PPM1E: variants seen among roughly 807,000 people sequenced by gnomAD.
PPM1E encodes the protein protein phosphatase 1E.
A neutral mutation model predicts 65.9 loss-of-function variants in PPM1E; 20 were observed. The ratio of observed to expected loss-of-function variants is 0.30; its 90% confidence interval spans 0.21 to 0.44. The LOEUF (loss-of-function observed/expected upper bound fraction) is 0.44. PPM1E is among the 20% of genes least tolerant of loss of function. PPM1E has a pLI of 1.00. For missense variants in PPM1E, 713 were observed against 953.1 expected, an observed-to-expected ratio of 0.75 and a Z score of 3.32; for synonymous variants, 352 against 374.9, an observed-to-expected ratio of 0.94 and a Z score of 0.70.
At chr17:58,770,297 A>T (rs937649876) in intron 1 of PPM1E, among the ~76,000 whole-genome samples, 1 of 152,148 alleles carries the variant, frequency 6.6e-6, no homozygotes, top group Non-Finnish European at 1.5e-5. Flanking sequence ...AGGTAAAACT[A>T]TCCTTGACTA....
At chr17:58,919,665 T>C (rs2051727564) in intron 1 of PPM1E, among the ~76,000 whole-genome samples, 1 of 151,892 alleles carries the variant, frequency 6.6e-6, no homozygotes, top group Non-Finnish European at 1.5e-5. Context: ...TGCATGCCTG[T>C]AATTCCAGCT....
chr17:58,960,812 T>C (rs979571564), intron 2 of PPM1E, among the ~76,000 whole-genome samples: 2 of 149,448 alleles, frequency 1.3e-5, no homozygotes, highest in African/African-American at 4.9e-5. Context: ...CAAAGTCTGA[T>C]TAAAAATGGC....
intron 1 of PPM1E, among the ~76,000 whole-genome samples, chr17:58,910,622 A>G (rs1177893273): frequency 6.6e-6 from 1 of 152,206 alleles, no homozygotes; most frequent in Non-Finnish European, 1.5e-5. Flanking sequence ...TAATGTGGTG[A>G]TAAGGTATGT....
chr17:58,782,626 G>A (rs538688815), intron 1 of PPM1E, among the ~76,000 whole-genome samples: 1 of 150,592 alleles, frequency 6.6e-6, no homozygotes, highest in East Asian at 2.0e-4. Context: ...TGATCAGGCT[G>A]GTCTTGAACA....
chr17:58,965,274 T>G (rs2030187412), intron 2 of PPM1E, among the ~76,000 whole-genome samples: 1 of 152,060 alleles, frequency 6.6e-6, no homozygotes, highest in Non-Finnish European at 1.5e-5. Flanking sequence ...TCCAGCTAAT[T>G]GGACTACGGA....
chr17:58,952,423 G>C (rs1160931585), intron 1 of PPM1E, among the ~76,000 whole-genome samples: 1 of 152,172 alleles, frequency 6.6e-6, no homozygotes, highest in Admixed American at 6.5e-5. Context: ...ATATCCACTG[G>C]AAGAAGACCT....
chr17:58,793,698 A>G (rs923942039), intron 1 of PPM1E, among the ~76,000 whole-genome samples: 13 of 152,202 alleles, frequency 8.5e-5, no homozygotes, highest in African/African-American at 2.6e-4. Flanking sequence ...AAGTTAATCT[A>G]CATCTGAGAT....
At chr17:58,942,827 T>TA (rs1397628669) in intron 1 of PPM1E, among the ~76,000 whole-genome samples, 2 of 87,788 alleles carry the variant, frequency 2.3e-5, no homozygotes, top group East Asian at 2.6e-4. Flanking sequence ...AGTATAATAA[T>TA]AAAAAAAAAG....
At chr17:58,909,958 A>AT (rs2051606997) in intron 1 of PPM1E, among the ~76,000 whole-genome samples, 1 of 112,070 alleles carries the variant, frequency 8.9e-6, no homozygotes, top group Non-Finnish European at 1.7e-5. Context: ...ACTGGAGTGC[A>AT]GTGGTGCTAT....
chr17:58,790,255 G>C (rs942586114), intron 1 of PPM1E, among the ~76,000 whole-genome samples: 2 of 151,910 alleles, frequency 1.3e-5, no homozygotes, highest in Non-Finnish European at 2.9e-5. Flanking sequence ...GGATAGCCAG[G>C]GTCTTACCAT....
intron 1 of PPM1E, among the ~76,000 whole-genome samples, chr17:58,897,988 C>T (rs543767025): frequency 7.9e-5 from 12 of 152,126 alleles, no homozygotes; most frequent in African/African-American, 2.4e-4. Flanking sequence ...CGGCTGGGCA[C>T]GGTGGCTCAT....
chr17:58,784,371 T>G (rs1323364304), intron 1 of PPM1E, among the ~76,000 whole-genome samples: 1 of 152,032 alleles, frequency 6.6e-6, no homozygotes, highest in African/African-American at 2.4e-5. Context: ...GTAAGAATGT[T>G]ATAGAGTGAA....
chr17:58,831,004 C>CTT (rs11448582), intron 1 of PPM1E, among the ~76,000 whole-genome samples: 167 of 135,792 alleles, frequency 1.2e-3, no homozygotes, highest in South Asian at 4.8e-3. Flanking sequence ...CTTACTTTAT[C>CTT]TTTTTTTTTT....
chr17:58,827,910 A>AAAAT (rs1555612495), intron 1 of PPM1E, among the ~76,000 whole-genome samples: 10 of 146,266 alleles, frequency 6.8e-5, no homozygotes, highest in Non-Finnish European at 1.2e-4. Flanking sequence ...TCAAAAAAAA[A>AAAAT]AAATAATAAT....
rs1046166330 is a variant in PPM1E, at chr17:58,762,876, C to T, written c.464+6415C>T. ...TCCCGCCACTGCACTCCAGCCTGGG[C>T]GACAGAGCGAGACTCCGTCTCAAAA... On this transcript the variant is annotated intron_variant, in intron 1 of 6. Transcript: ENST00000308249. Among the ~76,000 whole-genome samples the T allele has an allele frequency of 2.9e-5, 4 of 137,754 alleles. 1 individual carries two copies. The highest frequency in any genetic ancestry group is 4.4e-4 in the South Asian group (2 of 4,518). The allele number at this position is 137,754 out of a possible 152,430, so 90.4% of individuals were successfully genotyped here.
At chr17:58,769,882 A>G (rs1280757460) in intron 1 of PPM1E, among the ~76,000 whole-genome samples, 2 of 151,786 alleles carry the variant, frequency 1.3e-5, no homozygotes, top group African/African-American at 4.8e-5. Flanking sequence ...CAAAAATTAG[A>G]TGGGCATGGT....
intron 1 of PPM1E, among the ~76,000 whole-genome samples, chr17:58,952,258 G>T (rs967694333): frequency 1.3e-5 from 2 of 152,210 alleles, no homozygotes; most frequent in Non-Finnish European, 2.9e-5. Flanking sequence ...CCAGCTTGGG[G>T]TCTAGCTTGC....
chr17:58,955,896 G>A, intron 2 of PPM1E, 129 bp downstream of exon 2: 1 of 1,117,136 alleles, frequency 9.0e-7, no homozygotes, highest in Non-Finnish European at 1.2e-6. Flanking sequence ...AGTGGTAGCA[G>A]GGGAGAAAAA....
chr17:58,799,797 C>G (rs190684946), intron 1 of PPM1E, among the ~76,000 whole-genome samples: 160 of 152,294 alleles, frequency 1.1e-3, no homozygotes, highest in African/African-American at 3.7e-3. Flanking sequence ...TCAGGCTGGT[C>G]TCCAACTCCT....
Sources: gnomAD v4.1 joint callset for allele counts (sites outside exome capture counted in the v4.1 genomes callset) on GRCh38, gnomAD v4.1.1 for gene constraint, MANE v1.5 for transcripts, NCBI Gene and HGNC (gene_info 2026-07-23, HGNC 2026-07-21) for gene names.